Variants in SSH2 observed in about 807,000 individuals in gnomAD.
SSH2 encodes the protein protein phosphatase Slingshot homolog 2.
In SSH2, 37 loss-of-function variants were observed where a neutral mutation model predicts 135.2. The observed-to-expected ratio is 0.27, with a 90% CI of 0.21 to 0.36. SSH2 has a LOEUF of 0.36. SSH2 is among the 10% of genes least tolerant of loss of function. The probability of loss-of-function intolerance (pLI) is 1.00; values close to 1 mark genes in which losing one functional copy is unlikely to be tolerated. For missense variants in SSH2, 1,408 were observed against 1,765.3 expected (o/e 0.80, Z 3.63); for synonymous variants, 628 against 646.2 (o/e 0.97, Z 0.43).
At chr17:29,656,407 A>T (rs976625436) in intron 11 of SSH2, among the ~76,000 whole-genome samples, 3 of 151,792 alleles carry the variant, frequency 2.0e-5, no homozygotes, top group African/African-American at 7.3e-5. Context: ...CAAACTCCTG[A>T]CCTCGTGATC....
chr17:29,861,157 T>G (rs1051776651), intron 1 of SSH2, among the ~76,000 whole-genome samples: 3 of 152,230 alleles, frequency 2.0e-5, no homozygotes, highest in Non-Finnish European at 2.9e-5. Context: ...TGTAAACATT[T>G]TCTCCCATTC....
chr17:29,913,359 TATATATATATA>T (rs2066818644), intron 1 of SSH2, among the ~76,000 whole-genome samples: 1 of 55,664 alleles, frequency 1.8e-5, no homozygotes, highest in Non-Finnish European at 3.5e-5. Context: ...TATATATATA[TATATATATATA>T]TATATATATA....
At chr17:29,746,782 G>C (rs866810445) in intron 3 of SSH2, among the ~76,000 whole-genome samples, 10 of 152,102 alleles carry the variant, frequency 6.6e-5, no homozygotes, top group Non-Finnish European at 1.2e-4. Flanking sequence ...AGCCCTCATG[G>C]AGACTAACTG....
At chr17:29,779,044 G>A (rs1228342074) in intron 3 of SSH2, among the ~76,000 whole-genome samples, 1 of 151,770 alleles carries the variant, frequency 6.6e-6, no homozygotes, top group Non-Finnish European at 1.5e-5. Context: ...AACATCTAGG[G>A]GGGAAAAGTA....
chr17:29,827,986 C>T (rs372917211), intron 2 of SSH2, among the ~76,000 whole-genome samples: 19 of 152,262 alleles, frequency 1.2e-4, no homozygotes, highest in African/African-American at 4.6e-4. Context: ...TCCTAACACT[C>T]TCCTAATTAC....
intron 1 of SSH2, among the ~76,000 whole-genome samples, chr17:29,898,650 C>T (rs1451306868): frequency 6.6e-6 from 1 of 152,092 alleles, no homozygotes; most frequent in East Asian, 1.9e-4. Context: ...AGCTTACCAA[C>T]CAAAAAAAGT....
intron 2 of SSH2, among the ~76,000 whole-genome samples, chr17:29,830,127 C>T (rs992122226): frequency 1.3e-5 from 2 of 152,120 alleles, no homozygotes; most frequent in Admixed American, 6.5e-5. Flanking sequence ...GTGTGAGCCA[C>T]CGCACCTAGC....
intron 3 of SSH2, among the ~76,000 whole-genome samples, chr17:29,708,176 T>C (rs1194788305): frequency 6.6e-6 from 1 of 152,232 alleles, no homozygotes; most frequent in Non-Finnish European, 1.5e-5. Flanking sequence ...TACTTTTGTG[T>C]AAGATAAAAG....
intron 2 of SSH2, among the ~76,000 whole-genome samples, chr17:29,814,432 CAAAAAAAAAA>C (rs1179862061): frequency 5.1e-5 from 2 of 39,088 alleles, no homozygotes; most frequent in African/African-American, 1.1e-4. Flanking sequence ...GACTCTGTCT[CAAAAAAAAAA>C]AAAAAAAAAA....
At chr17:29,725,947 G>A (rs1206922509) in intron 3 of SSH2, among the ~76,000 whole-genome samples, 2 of 152,178 alleles carry the variant, frequency 1.3e-5, no homozygotes. Context: ...ATAGATTTGT[G>A]ACAGTGGAGG....
At chr17:29,761,524 GC>G in intron 3 of SSH2, 3 of 781,024 alleles carry the variant, frequency 3.8e-6, no homozygotes, top group Non-Finnish European at 3.1e-6. Flanking sequence ...CCGGCGCCCC[GC>G]CCCAGATCTC....
At chr17:29,781,473 CTTTTTTTTTT>C (rs541361010) in intron 3 of SSH2, among the ~76,000 whole-genome samples, 4 of 81,844 alleles carry the variant, frequency 4.9e-5, no homozygotes, top group South Asian at 8.9e-4. Flanking sequence ...CCTGTGTTTT[CTTTTTTTTTT>C]TTTTTTTTTT....
chr17:29,867,187 G>A (rs571093672), intron 1 of SSH2, among the ~76,000 whole-genome samples: 2 of 152,308 alleles, frequency 1.3e-5, no homozygotes, highest in African/African-American at 4.8e-5. Flanking sequence ...TGAGGTAACA[G>A]CAGGCTGGCA....
At chr17:29,833,085 G>T (rs1371219555) in intron 2 of SSH2, among the ~76,000 whole-genome samples, 1 of 152,210 alleles carries the variant, frequency 6.6e-6, no homozygotes, top group African/African-American at 2.4e-5. Context: ...GAAATGTTCT[G>T]TAAATATCTA....
intron 1 of SSH2, among the ~76,000 whole-genome samples, chr17:29,926,124 A>G (rs1162177381): frequency 6.6e-6 from 1 of 152,106 alleles, no homozygotes; most frequent in Non-Finnish European, 1.5e-5. Context: ...TTACCACTTC[A>G]AAATCCCAGT....
At chr17:29,662,853 A>G (rs1438576181) in intron 11 of SSH2, among the ~76,000 whole-genome samples, 3 of 152,220 alleles carry the variant, frequency 2.0e-5, no homozygotes, top group Non-Finnish European at 4.4e-5. Context: ...ATCTTGAAAA[A>G]GATAATCAGC....
At chr17:29,686,662 C>G (rs2038236575) in intron 5 of SSH2, among the ~76,000 whole-genome samples, 1 of 151,106 alleles carries the variant, frequency 6.6e-6, no homozygotes, top group South Asian at 2.1e-4. Flanking sequence ...GGCCACTGCA[C>G]CCAGCCTTTT....
intron 3 of SSH2, among the ~76,000 whole-genome samples, chr17:29,769,202 TA>T (rs1276725981): frequency 1.3e-5 from 2 of 152,226 alleles, no homozygotes; most frequent in Non-Finnish European, 2.9e-5. Flanking sequence ...TCCAGCCAGT[TA>T]TTCTGGCTCC....
In SSH2 at chr17:29,631,707, T is replaced by C. The variant is rs370554855; in HGVS notation, c.3487A>G (p.Thr1163Ala). The C allele has an allele frequency of 6.2e-7, 1 of 1,614,154 alleles. No individual in the cohort carries two copies. The highest frequency in any genetic ancestry group is 8.5e-7 in the Non-Finnish European group (1 of 1,180,026). Residue 1163 changes from threonine (T) to alanine (A), a missense_variant, in exon 16 of 16, where the codon ACT becomes GCT. By Grantham distance (58) the Thr-to-Ala change is moderately conservative. This residue lies in a region of SSH2 where 1,080 missense variants were observed against 1,144.5 expected (regional missense o/e 0.94). Transcript: ENST00000540801. ...SASLDYLHPQTMVHLEGFTEQ... is the reference protein window; with the variant it reads ...SASLDYLHPQAMVHLEGFTEQ... The stretch of plus-strand genomic sequence containing the variant: ...GTGAAGCCCTCCAGGTGAACCATAG[T>C]CTGGGGATGCAGGTAATCCAAACTG...
Sources: allele counts gnomAD v4.1 joint callset (sites outside exome capture counted in the v4.1 genomes callset), GRCh38; gene constraint gnomAD v4.1.1; regional missense constraint gnomAD v4.1.1; transcripts MANE v1.5; gene names NCBI Gene and HGNC (gene_info 2026-07-23, HGNC 2026-07-21).